WASF3: variants seen among roughly 807,000 people sequenced by gnomAD.
WASF3 encodes the protein WASP family member 3.
WASF3 carries 11 observed loss-of-function variants against 46.6 expected under a neutral mutation model. The observed-to-expected ratio is 0.24, with a 90% CI of 0.15 to 0.39. The LOEUF is 0.39. Ranked by LOEUF, WASF3 falls within the 10% of genes least tolerant of loss-of-function variation. The probability of loss-of-function intolerance (pLI) is 1.00; values close to 1 mark genes in which losing one functional copy is unlikely to be tolerated. For missense variants in WASF3, 576 were observed against 669.8 expected (o/e 0.86, Z 1.55); for synonymous variants, 242 against 259.7 (o/e 0.93, Z 0.65).
chr13:26,572,220 A>G lies in WASF3; in HGVS notation c.-109+14401A>G, dbSNP rs1238527191. ...TGCCTTGGTGAATACCTTCAGAAAA[A>G]TGTTAAATAGTGGAAAAGGTAGTGG... On this transcript the variant is annotated intron_variant, in intron 1 of 9. Transcript: ENST00000335327. 1.2e-4 allele frequency among the ~76,000 whole-genome samples: 18 copies of G among 152,230 alleles called. No individual in the cohort carries two copies. In the South Asian group the frequency reaches 3.5e-3, roughly 30 times the overall value.
At position 26,629,494 on chromosome 13, in the gene WASF3, G is replaced by A. The variant is rs573289048; in HGVS notation, c.-10-12767G>A. Among the ~76,000 whole-genome samples, 34 of 152,262 alleles carry A rather than the reference G, an allele frequency of 2.2e-4. 1 individual carries two copies. The South Asian group carries it at 6.6e-3, about 30-fold the overall frequency. On this transcript the variant is annotated intron_variant, in intron 2 of 9. Transcript: ENST00000335327. ...GATTTTCCTTTCCACTGTCTCTGAG[G>A]GCCATCCTGAGTACTGCTGCAGCAC... is the stretch of plus-strand genomic sequence containing the variant.
chr13:26,643,776 C>T (rs1306466317), intron 3 of WASF3, among the ~76,000 whole-genome samples: 2 of 152,164 alleles, frequency 1.3e-5, no homozygotes, highest in Non-Finnish European at 2.9e-5. Context: ...CTGTAATAAT[C>T]GGCGGAGTGT....
intron 2 of WASF3, among the ~76,000 whole-genome samples, chr13:26,631,227 G>T (rs1219202357): frequency 1.3e-5 from 2 of 151,874 alleles, no homozygotes; most frequent in African/African-American, 4.8e-5. Flanking sequence ...GGGACTCATG[G>T]AGTCCTGAAG....
At chr13:26,658,527 G>A (rs550389642) in intron 3 of WASF3, among the ~76,000 whole-genome samples, 4 of 152,294 alleles carry the variant, frequency 2.6e-5, no homozygotes, top group African/African-American at 9.6e-5. Flanking sequence ...GCTTATTAAT[G>A]ACTTTAAGAC....
At chr13:26,597,796 C>T (rs1880519152) in intron 1 of WASF3, among the ~76,000 whole-genome samples, 4 of 152,134 alleles carry the variant, frequency 2.6e-5, no homozygotes, top group South Asian at 2.1e-4. Context: ...GACATGAACT[C>T]GTCATTTTTT....
upstream of WASF3, among the ~76,000 whole-genome samples, chr13:26,553,685 C>T (rs568569730): frequency 3.6e-4 from 55 of 151,890 alleles, no homozygotes; most frequent in African/African-American, 1.2e-3. Context: ...GTTGTGGTGG[C>T]GGGCGCCTGT....
intron 3 of WASF3, among the ~76,000 whole-genome samples, chr13:26,652,940 G>A (rs373578843): frequency 3.7e-4 from 57 of 152,220 alleles, no homozygotes; most frequent in African/African-American, 1.1e-3. Flanking sequence ...CAGCATTCCC[G>A]TTGTAATCTC....
At chr13:26,571,451 T>G (rs1340504512) in intron 1 of WASF3, among the ~76,000 whole-genome samples, 2 of 152,202 alleles carry the variant, frequency 1.3e-5, no homozygotes, top group East Asian at 1.9e-4. Context: ...TGATTTTGTC[T>G]TCTTCTGAAT....
intron 2 of WASF3, among the ~76,000 whole-genome samples, chr13:26,613,612 A>G (rs573540241): frequency 6.6e-6 from 1 of 152,248 alleles, no homozygotes; most frequent in South Asian, 2.1e-4. Context: ...TACTAAAAAC[A>G]CACAACAATT....
rs568011349 is a variant in WASF3, at chr13:26,601,450, T to C, written c.-108-11511T>C. On this transcript the variant is annotated intron_variant, in intron 1 of 9. Transcript: ENST00000335327. The stretch of plus-strand genomic sequence containing the variant: ...CCTGCCTTTGGGCTCTTCTAGACTT[T>C]GAAAGAAGCATCTTGTCACTGGAGT... Among the ~76,000 whole-genome samples, 23 of 152,330 alleles carry C rather than the reference T, an allele frequency of 1.5e-4. 1 individual carries two copies. The highest frequency in any genetic ancestry group is 5.3e-4 in the African/African-American group (22 of 41,594).
chr13:26,550,776 G>A, the WASF3 span, among the ~76,000 whole-genome samples: 1 of 152,192 alleles, frequency 6.6e-6, no homozygotes, highest in Non-Finnish European at 1.5e-5. Context: ...AGGATTGTGT[G>A]TCTATTGGAT....
chr13:26,621,612 A>G (rs950400784), intron 2 of WASF3, among the ~76,000 whole-genome samples: 1 of 152,180 alleles, frequency 6.6e-6, no homozygotes. Flanking sequence ...TCCTGTGGAA[A>G]CATACAGACC....
At chr13:26,601,841 G>T (rs1880651304) in intron 1 of WASF3, among the ~76,000 whole-genome samples, 1 of 152,200 alleles carries the variant, frequency 6.6e-6, no homozygotes. Flanking sequence ...AAAGAATGAG[G>T]ATGTGGCCTG....
chr13:26,685,411 G>C (rs937472925), intron 9 of WASF3, among the ~76,000 whole-genome samples: 2 of 152,164 alleles, frequency 1.3e-5, no homozygotes, highest in Admixed American at 6.5e-5. Context: ...GGATGGTGCA[G>C]CTCCACAGTT....
intron 3 of WASF3, among the ~76,000 whole-genome samples, chr13:26,661,852 A>C (rs1229879677): frequency 2.0e-5 from 3 of 152,202 alleles, no homozygotes; most frequent in South Asian, 4.1e-4. Context: ...GTCATTCTTA[A>C]AACTGTTAAA....
chr13:26,554,040 TTTC>T (rs1879029414), upstream of WASF3, among the ~76,000 whole-genome samples: 2 of 35,508 alleles, frequency 5.6e-5, no homozygotes, highest in African/African-American at 1.9e-4. Flanking sequence ...TTTCTCTTTC[TTTC>T]CTTCCTTCCT....
chr13:26,629,338 G>C (rs1397117758), intron 2 of WASF3, among the ~76,000 whole-genome samples: 1 of 151,930 alleles, frequency 6.6e-6, no homozygotes, highest in Non-Finnish European at 1.5e-5. Context: ...TCATCTTCCA[G>C]TTCTTTTTAT....
chr13:26,662,469 A>G (rs1157751669), intron 3 of WASF3, among the ~76,000 whole-genome samples: 1 of 152,238 alleles, frequency 6.6e-6, no homozygotes, highest in Non-Finnish European at 1.5e-5. Flanking sequence ...CGCAGCCATA[A>G]TGAAGAATGA....
intron 6 of WASF3, among the ~76,000 whole-genome samples, chr13:26,674,436 C>G (rs1436819105): frequency 1.3e-5 from 2 of 152,136 alleles, no homozygotes; most frequent in Non-Finnish European, 2.9e-5. Context: ...AGTACACACC[C>G]AATACATGCT....
Sources: allele counts gnomAD v4.1 joint callset (sites outside exome capture counted in the v4.1 genomes callset), GRCh38; gene constraint gnomAD v4.1.1; transcripts MANE v1.5; gene names NCBI Gene and HGNC (gene_info 2026-07-23, HGNC 2026-07-21).